Variants in ZNF710 observed in about 807,000 individuals in gnomAD.
ZNF710 encodes zinc finger protein 710.
A neutral mutation model predicts 50.6 loss-of-function variants in ZNF710; 13 were observed. The ratio of observed to expected loss-of-function variants is 0.26; its 90% CI spans 0.17 to 0.41. The LOEUF is 0.41. ZNF710 is among the 10% of genes least tolerant of loss of function. The pLI is 1.00. For synonymous variants in ZNF710, 383 were observed against 397.0 expected (o/e 0.96, Z 0.42); for missense variants, 721 against 936.6 (o/e 0.77, Z 3.01).
At chr15:89,999,686 T>G (rs1897971602), upstream of ZNF710, among the ~76,000 whole-genome samples, 2 of 152,026 alleles carry the variant, frequency 1.3e-5, 1 homozygote, top group South Asian at 4.2e-4. Flanking sequence ...GGCCGTGGCC[T>G]TGGGGCTCTC....
At chr15:90,033,196 G>C (rs754539278) in intron 1 of ZNF710, among the ~76,000 whole-genome samples, 149 of 152,304 alleles carry the variant, frequency 9.8e-4, no homozygotes, top group Non-Finnish European at 1.6e-3. Flanking sequence ...GCTTCATCTC[G>C]AACAGCGTGT....
intron 1 of ZNF710, among the ~76,000 whole-genome samples, chr15:90,041,506 T>G (rs561193669): frequency 9.2e-5 from 14 of 152,280 alleles, no homozygotes; most frequent in Admixed American, 1.3e-4. Context: ...GTGAAATTCT[T>G]TATATCTTTT....
At chr15:90,061,461 C>T (rs1000138131) in intron 1 of ZNF710, among the ~76,000 whole-genome samples, 7 of 152,148 alleles carry the variant, frequency 4.6e-5, no homozygotes, top group Admixed American at 1.3e-4. Context: ...TGTGAGCCTC[C>T]GCGCCCGCCC....
Position 90,067,503 on chromosome 15 carries a change from T to C in ZNF710, c.366T>C (p.Tyr122=). 1 of 1,613,616 alleles carries C rather than the reference T, an allele frequency of 6.2e-7. No individual in the cohort carries two copies. The highest frequency in any genetic ancestry group is 8.5e-7 in the Non-Finnish European group (1 of 1,179,754). The change falls in exon 2 of 5, where the codon TAT becomes TAC. Residue 122 remains tyrosine, a synonymous_variant. Transcript: ENST00000268154. This position sits in a 1 kb window ranked among gnomAD's most constrained non-coding sequence, Gnocchi z 8.1. ...EKVEEEEQEV[Y]EVSVPGDDKD... ...TGGAGGAGGAGGAACAGGAGGTCTATGAGGTTTCTGTGCCAGGTGACGACA... is the reference window on the plus strand; with the variant it reads ...TGGAGGAGGAGGAACAGGAGGTCTACGAGGTTTCTGTGCCAGGTGACGACA...
chr15:90,073,324 C>G (rs1336346610), intron 3 of ZNF710, 62 bp downstream of exon 3: 1 of 1,552,080 alleles, frequency 6.4e-7, no homozygotes, highest in East Asian at 2.3e-5. Flanking sequence ...ATCAGCATGC[C>G]TGCAGCAGCT....
intron 1 of ZNF710, among the ~76,000 whole-genome samples, chr15:90,027,964 G>T (rs1898827975): frequency 6.6e-6 from 1 of 152,180 alleles, no homozygotes; most frequent in Non-Finnish European, 1.5e-5. Context: ...TAGGAACCAG[G>T]TCAGTTCTGC....
chr15:90,005,080 G>A (rs1898105984), intron 1 of ZNF710, among the ~76,000 whole-genome samples: 2 of 152,338 alleles, frequency 1.3e-5, no homozygotes, highest in African/African-American at 4.8e-5. Flanking sequence ...GGAGTGTAAG[G>A]ACCCAAGACC....
intron 1 of ZNF710, among the ~76,000 whole-genome samples, chr15:90,017,012 TTTTC>T (rs1898476031): frequency 6.6e-6 from 1 of 152,174 alleles, no homozygotes; most frequent in African/African-American, 2.4e-5. Flanking sequence ...TCAAGGGAGC[TTTTC>T]TTTCTGTCTG....
chr15:90,030,456 CT>C, intron 1 of ZNF710, among the ~76,000 whole-genome samples: 1 of 151,514 alleles, frequency 6.6e-6, no homozygotes, highest in Non-Finnish European at 1.5e-5. Flanking sequence ...AAGAACTTGA[CT>C]TTCAGCAAAT....
intron 4 of ZNF710, chr15:90,074,550 G>C (rs913522135): frequency 4.3e-6 from 6 of 1,410,364 alleles, no homozygotes; most frequent in Non-Finnish European, 4.7e-6. Flanking sequence ...AGTGCTAACT[G>C]TGTGCCAGGC....
chr15:90,072,459 A>G (rs1900421199), intron 2 of ZNF710, among the ~76,000 whole-genome samples: 1 of 152,200 alleles, frequency 6.6e-6, no homozygotes, highest in Non-Finnish European at 1.5e-5. Flanking sequence ...ATGAGTGGAT[A>G]GGCTCTGGGA....
At chr15:90,010,682 A>T (rs1898273842) in intron 1 of ZNF710, among the ~76,000 whole-genome samples, 1 of 152,050 alleles carries the variant, frequency 6.6e-6, no homozygotes. Flanking sequence ...TTTTGAATTG[A>T]TTGAAAGATT....
chr15:90,030,743 G>A lies in ZNF710; in HGVS notation c.-29+29129G>A, dbSNP rs571470484. ...TTAAAAAAAAAAAAATTGGCTGGGC[G>A]CGGTGGCTCACGCCTGTAATCCCAG... On this transcript the variant is annotated intron_variant, in intron 1 of 4. Coordinates refer to ENST00000268154, the MANE Select transcript of ZNF710 (RefSeq NM_198526.4). Among the ~76,000 whole-genome samples, 17 of 152,112 alleles carry A rather than the reference G, an allele frequency of 1.1e-4. No homozygotes were observed. The South Asian group carries it at 1.2e-3, about 11-fold the overall frequency.
upstream of ZNF710, among the ~76,000 whole-genome samples, chr15:89,999,289 CA>C (rs1406117223): frequency 6.6e-6 from 1 of 152,246 alleles, no homozygotes; most frequent in African/African-American, 2.4e-5. Context: ...CCTGCAAAGC[CA>C]AAGGCCAAAG....
At chr15:90,027,788 G>A (rs1898822318) in intron 1 of ZNF710, among the ~76,000 whole-genome samples, 1 of 149,616 alleles carries the variant, frequency 6.7e-6, no homozygotes. Flanking sequence ...GGAGGTTGCA[G>A]TTAGCCGAGA....
chr15:90,033,993 G>C (rs571109026), intron 1 of ZNF710, among the ~76,000 whole-genome samples: 2 of 152,290 alleles, frequency 1.3e-5, no homozygotes, highest in East Asian at 3.9e-4. Context: ...CTTGAGGTCA[G>C]GAGTTCAAGA....
chr15:90,024,450 G>T (rs1341936230), intron 1 of ZNF710, among the ~76,000 whole-genome samples: 3 of 152,192 alleles, frequency 2.0e-5, no homozygotes, highest in African/African-American at 7.2e-5. Context: ...CCTCCCATCT[G>T]GTCCAGAGGA....
At position 90,026,846 on chromosome 15, in the gene ZNF710, C is replaced by CA. The variant is rs766467716; in HGVS notation, c.-29+25240dup. Among the ~76,000 whole-genome samples, 130 of 151,298 alleles carry CA rather than the reference C, an allele frequency of 8.6e-4. 1 individual carries two copies. Among genetic ancestry groups the CA allele is most frequent in the African/African-American group, 2.6e-3 (107 of 41,312 alleles). On this transcript the variant is annotated intron_variant, in intron 1 of 4. Transcript: ENST00000268154. ...AACCATGTCTACCTAACCAATACAG[C>CA]AAAAAAAAGGAACAGAAGGGTGCAT...
chr15:90,078,393 T>C (rs1390291291), intron 4 of ZNF710, among the ~76,000 whole-genome samples: 1 of 152,154 alleles, frequency 6.6e-6, no homozygotes, highest in African/African-American at 2.4e-5. Flanking sequence ...TGTGCTTCCT[T>C]GTTCACATCC....
Sources: gnomAD v4.1 joint callset for allele counts (sites outside exome capture counted in the v4.1 genomes callset) on GRCh38, gnomAD v4.1.1 for gene constraint, Gnocchi (gnomAD v3.1) non-coding constraint, MANE v1.5 for transcripts, NCBI Gene and HGNC (gene_info 2026-07-23, HGNC 2026-07-21) for gene names.